DOCK3: variants seen among roughly 807,000 people sequenced by gnomAD.
DOCK3 encodes the protein dedicator of cytokinesis protein 3.
DOCK3 carries 60 observed loss-of-function variants against 265.6 expected under a neutral mutation model. That is an observed-to-expected ratio of 0.23 (90% CI 0.18 to 0.28). The LOEUF (loss-of-function observed/expected upper bound fraction) is 0.28, where lower values mean the gene tolerates loss of function less well. Among genes scored for constraint, DOCK3 ranks in the 10% least tolerant of loss-of-function variants. The pLI is 1.00. For missense variants in DOCK3, 1,981 were observed against 2,594.3 expected, an observed-to-expected ratio of 0.76 and a Z score of 5.14; for synonymous variants, 881 against 938.0, an observed-to-expected ratio of 0.94 and a Z score of 1.11.
At chr3:50,923,798 T>A (rs1170402887) in intron 4 of DOCK3, among the ~76,000 whole-genome samples, 4 of 152,206 alleles carry the variant, frequency 2.6e-5, no homozygotes, top group African/African-American at 9.7e-5. Flanking sequence ...AGCTGTGGTA[T>A]TTGAGCCCTT....
intron 1 of DOCK3, among the ~76,000 whole-genome samples, chr3:50,751,006 ATG>A (rs1207001265): frequency 1.3e-5 from 2 of 152,140 alleles, no homozygotes; most frequent in Non-Finnish European, 2.9e-5. Flanking sequence ...TTCTCATTTA[ATG>A]TAATAAAATT....
At chr3:51,254,827 C>T (rs1338480937) in intron 22 of DOCK3, among the ~76,000 whole-genome samples, 2 of 152,048 alleles carry the variant, frequency 1.3e-5, no homozygotes, top group African/African-American at 4.8e-5. Context: ...ATCCAATTTG[C>T]CAGTTTGTGT....
chr3:50,685,001 A>G (rs1280467506), intron 1 of DOCK3, among the ~76,000 whole-genome samples: 1 of 151,852 alleles, frequency 6.6e-6, no homozygotes, highest in Non-Finnish European at 1.5e-5. Flanking sequence ...ACCCCTTTCA[A>G]CATATTGTCA....
At chr3:50,846,185 A>G (rs1204482076) in intron 3 of DOCK3, among the ~76,000 whole-genome samples, 1 of 152,218 alleles carries the variant, frequency 6.6e-6, no homozygotes, top group Non-Finnish European at 1.5e-5. Flanking sequence ...AAAAAAGACT[A>G]ATGGAGGTCA....
chr3:50,698,517 G>GTTATTTTTTTTTTTTTTTTTTTTTTTTTT (rs2035794152), intron 1 of DOCK3, among the ~76,000 whole-genome samples: 1 of 19,506 alleles, frequency 5.1e-5, no homozygotes, highest in Non-Finnish European at 1.2e-4. Flanking sequence ...TATGTTTTTG[G>GTTATTTTTTTTTTTTTTTTTTTTTTTTTT]TTTTTTTTTT....
chr3:50,859,359 A>G (rs866013416), intron 3 of DOCK3, among the ~76,000 whole-genome samples: 76 of 151,728 alleles, frequency 5.0e-4, no homozygotes, highest in Middle Eastern at 3.2e-3. Flanking sequence ...CTGGGACTAC[A>G]GGCACATGCC....
At chr3:50,998,584 A>G (rs542933749) in intron 5 of DOCK3, among the ~76,000 whole-genome samples, 1 of 152,306 alleles carries the variant, frequency 6.6e-6, no homozygotes, top group South Asian at 2.1e-4. Context: ...CTTTCTTCCT[A>G]GAAACTTTTT....
chr3:51,005,389 C>T (rs1286526421), intron 5 of DOCK3, among the ~76,000 whole-genome samples: 1 of 152,098 alleles, frequency 6.6e-6, no homozygotes, highest in African/African-American at 2.4e-5. Context: ...GCCACTGTCC[C>T]CTCTCGCCAT....
chr3:50,863,050 C>T (rs1054990898), intron 3 of DOCK3, among the ~76,000 whole-genome samples: 4 of 152,142 alleles, frequency 2.6e-5, no homozygotes, highest in Admixed American at 2.6e-4. Context: ...TGGCACTACT[C>T]CTATGTTTTA....
intron 7 of DOCK3, 35 bp downstream of exon 7, chr3:51,075,475 A>G: frequency 6.7e-7 from 1 of 1,483,408 alleles, no homozygotes; most frequent in Non-Finnish European, 9.2e-7. Context: ...TTGTTCCTGC[A>G]TACCTCATTT....
intron 5 of DOCK3, among the ~76,000 whole-genome samples, chr3:50,958,504 C>A (rs116608855): frequency 2.6e-5 from 4 of 152,294 alleles, no homozygotes; most frequent in Middle Eastern, 3.4e-3. Flanking sequence ...TTGCAAGGAT[C>A]AACTACGATA....
intron 9 of DOCK3, among the ~76,000 whole-genome samples, chr3:51,104,264 G>GGA (rs2083191662): frequency 6.6e-6 from 1 of 152,212 alleles, no homozygotes; most frequent in African/African-American, 2.4e-5. Flanking sequence ...CAAGGACATA[G>GGA]GACAAAGTAG....
chr3:51,358,837 G>T (rs2086543451), intron 46 of DOCK3, among the ~76,000 whole-genome samples: 1 of 152,212 alleles, frequency 6.6e-6, no homozygotes, highest in South Asian at 2.1e-4. Context: ...CCTTGGCAGG[G>T]TCTTAGAGGA....
intron 22 of DOCK3, among the ~76,000 whole-genome samples, chr3:51,252,040 A>G (rs1223105984): frequency 1.3e-5 from 2 of 152,168 alleles, no homozygotes; most frequent in African/African-American, 4.8e-5. Flanking sequence ...ATTTTTGTAT[A>G]AGGTGTAAGG....
intron 5 of DOCK3, among the ~76,000 whole-genome samples, chr3:50,965,893 A>G (rs1303817139): frequency 6.6e-6 from 1 of 152,176 alleles, no homozygotes; most frequent in Non-Finnish European, 1.5e-5. Context: ...TGATTATCAC[A>G]TTTGTCAGCA....
At chr3:51,098,771 G>A (rs535470383) in intron 9 of DOCK3, among the ~76,000 whole-genome samples, 15 of 152,192 alleles carry the variant, frequency 9.9e-5, no homozygotes, top group Admixed American at 5.9e-4. Flanking sequence ...CAACATTTTC[G>A]CAAAGATTTT....
chr3:50,920,653 G>C (rs943218397), intron 4 of DOCK3, among the ~76,000 whole-genome samples: 1 of 152,018 alleles, frequency 6.6e-6, no homozygotes, highest in East Asian at 1.9e-4. Context: ...TTCTTTATTA[G>C]TCTTGCTAAC....
rs1559878738 is a variant in DOCK3 at position 50,970,939 on chromosome 3, AT to A, written c.315+36863del. The stretch of plus-strand genomic sequence containing the variant: ...TATATATATATATATATATATATAT[AT>A]ATATATAATGTGTGTGTGTGTGTGT... On this transcript the variant is annotated intron_variant, in intron 5 of 52. Coordinates refer to ENST00000266037, the MANE Select transcript of DOCK3 (RefSeq NM_004947.5). 2.1e-3 allele frequency among the ~76,000 whole-genome samples: 151 copies of A among 72,228 alleles called. 3 individuals are homozygous for A. Among genetic ancestry groups the A allele is most frequent in the African/African-American group, 7.8e-3 (126 of 16,230 alleles). 47.4% of individuals were successfully genotyped at this position (72,228 alleles called of 152,430 possible). A position where few individuals can be genotyped will look rare whatever the true frequency, so the allele number is the denominator to read the frequency against.
At chr3:50,734,766 C>A (rs1000943469) in intron 1 of DOCK3, among the ~76,000 whole-genome samples, 1 of 151,944 alleles carries the variant, frequency 6.6e-6, no homozygotes, top group African/African-American at 2.4e-5. Flanking sequence ...CCATGTCTGG[C>A]TAATTTTTTT....
Sources: allele counts gnomAD v4.1 joint callset (sites outside exome capture counted in the v4.1 genomes callset), GRCh38; gene constraint gnomAD v4.1.1; transcripts MANE v1.5; gene names NCBI Gene and HGNC (gene_info 2026-07-23, HGNC 2026-07-21).